The following TRIM49C variants were observed in gnomAD, a reference collection of about 807,000 sequenced individuals.
The protein encoded by TRIM49C is tripartite motif-containing protein 49C.
In TRIM49C, 6 loss-of-function variants were observed where a neutral mutation model predicts 21.4. That is an observed-to-expected ratio of 0.28 (90% CI 0.15 to 0.55). The LOEUF is 0.55. Ranked by LOEUF, TRIM49C falls within the 20% of genes least tolerant of loss-of-function variation. The probability of loss-of-function intolerance (pLI) is 0.94; values close to 1 mark genes in which losing one functional copy is unlikely to be tolerated. For synonymous variants in TRIM49C, 57 were observed against 148.1 expected, an observed-to-expected ratio of 0.38 and a Z score of 4.47; for missense variants, 161 against 442.4, an observed-to-expected ratio of 0.36 and a Z score of 5.71.
the TRIM49C span, among the ~76,000 whole-genome samples, chr11:90,072,344 T>A: frequency 1.3e-5 from 2 of 148,794 alleles, no homozygotes; most frequent in African/African-American, 5.0e-5. Context: ...CCAGGATAGA[T>A]CATGATAAAT....
the TRIM49C span, among the ~76,000 whole-genome samples, chr11:90,056,103 C>T: frequency 1.5e-5 from 2 of 135,332 alleles, no homozygotes; most frequent in African/African-American, 2.6e-5. Context: ...GGACTACAGG[C>T]GCCCGCCACC....
chr11:90,073,284 G>C, the TRIM49C span: 11 of 1,058,208 alleles, frequency 1.0e-5, 1 homozygote, highest in Non-Finnish European at 1.5e-5. Context: ...TTTGAAAGTG[G>C]AAGTGTGAGT....
chr11:90,062,943 C>T, the TRIM49C span: 40 of 1,419,078 alleles, frequency 2.8e-5, 3 homozygotes, highest in Admixed American at 2.4e-4. Context: ...AAGTAGTTCA[C>T]GCAAATGCAG....
intron 6 of TRIM49C, among the ~76,000 whole-genome samples, chr11:90,039,262 T>TAA (rs1344696519): frequency 1.6e-5 from 2 of 127,074 alleles, no homozygotes; most frequent in African/African-American, 6.2e-5. Context: ...AGGAGAAAGA[T>TAA]AAGAGTTTTG....
downstream of TRIM49C, among the ~76,000 whole-genome samples, chr11:90,042,229 C>A: frequency 6.9e-6 from 1 of 145,572 alleles, no homozygotes; most frequent in South Asian, 2.4e-4. Flanking sequence ...GATTGAAGTC[C>A]TGAAAGGAAG....
At chr11:90,055,050 G>T in the TRIM49C span, among the ~76,000 whole-genome samples, 1 of 148,312 alleles carries the variant, frequency 6.7e-6, no homozygotes, top group African/African-American at 2.5e-5. Flanking sequence ...AGGAGTGCTG[G>T]GTTGGAGCCC....
the TRIM49C span, among the ~76,000 whole-genome samples, chr11:90,071,367 T>C: frequency 7.1e-6 from 1 of 141,478 alleles, no homozygotes; most frequent in South Asian, 2.4e-4. Context: ...AAACTTTTCT[T>C]ACTTTTCCAA....
At chr11:90,033,086 G>A (rs1279012273) in intron 2 of TRIM49C, among the ~76,000 whole-genome samples, 1 of 136,202 alleles carries the variant, frequency 7.3e-6, no homozygotes, top group Non-Finnish European at 1.6e-5. Context: ...TTTCGAACAA[G>A]TAAATTTATA....
At chr11:90,072,378 C>T in the TRIM49C span, among the ~76,000 whole-genome samples, 1 of 148,822 alleles carries the variant, frequency 6.7e-6, no homozygotes, top group Non-Finnish European at 1.5e-5. Context: ...GATGTCTGTG[C>T]CTGAATCTGG....
the TRIM49C span, chr11:90,052,397 G>A: frequency 1.6e-5 from 3 of 185,132 alleles, no homozygotes; most frequent in African/African-American, 7.6e-5. Flanking sequence ...CCACGGCGGG[G>A]CTGTTAGAGG....
the TRIM49C span, chr11:90,063,113 C>T: frequency 7.6e-6 from 5 of 656,040 alleles, no homozygotes; most frequent in South Asian, 4.4e-5. Context: ...GAGCTCTGTC[C>T]AACATGTCGA....
At chr11:90,070,068 T>C in the TRIM49C span, among the ~76,000 whole-genome samples, 1 of 118,158 alleles carries the variant, frequency 8.5e-6, no homozygotes, top group Non-Finnish European at 1.7e-5. Context: ...CTGTGGCTTC[T>C]AAACATGTAC....
At chr11:90,032,682 A>G (rs1370116683) in intron 2 of TRIM49C, 100 bp downstream of exon 2, 1 of 126,068 alleles carries the variant, frequency 7.9e-6, no homozygotes, top group Non-Finnish European at 1.6e-5. Context: ...ACACAATGAT[A>G]CCATTTGTAA....
At chr11:90,034,163 A>ACAAGTTT (rs1324858969) in intron 2 of TRIM49C, among the ~76,000 whole-genome samples, 2 of 118,138 alleles carry the variant, frequency 1.7e-5, no homozygotes, top group African/African-American at 8.4e-5. Flanking sequence ...AAGCTTCAGA[A>ACAAGTTT]CAAGTTTCAG....
chr11:90,071,121 G>A, the TRIM49C span: 469 of 492,454 alleles, frequency 9.5e-4, 34 homozygotes, highest in African/African-American at 8.5e-3. Flanking sequence ...TAAAGGAGTC[G>A]TTTTCTCTCT....
chr11:90,051,943 T>G, the TRIM49C span: 7 of 929,116 alleles, frequency 7.5e-6, 1 homozygote, highest in Non-Finnish European at 1.1e-5. Context: ...CACCTTGTTA[T>G]GCCACTTGGG....
At chr11:90,059,913 T>C in the TRIM49C span, among the ~76,000 whole-genome samples, 1 of 144,370 alleles carries the variant, frequency 6.9e-6, no homozygotes, top group African/African-American at 2.6e-5. Context: ...CTGTCTTTTT[T>C]TTTTTTTAAC....
the TRIM49C span, among the ~76,000 whole-genome samples, chr11:90,048,128 C>T: frequency 4.9e-4 from 50 of 101,064 alleles, no homozygotes; most frequent in Non-Finnish European, 7.8e-4. Context: ...GAGTTTCTGC[C>T]GAGAGCTCTG....
chr11:90,071,718 A>G, the TRIM49C span: 2 of 1,268,292 alleles, frequency 1.6e-6, no homozygotes, highest in African/African-American at 1.5e-5. Context: ...GCTGCTGCAC[A>G]TGCTCCAGCC....
Sources: allele counts gnomAD v4.1 joint callset (sites outside exome capture counted in the v4.1 genomes callset), GRCh38; gene constraint gnomAD v4.1.1; transcripts MANE v1.5; gene names NCBI Gene and HGNC (gene_info 2026-07-23, HGNC 2026-07-21).